The following SIPA1L3 variants were observed in gnomAD, a reference collection of about 807,000 sequenced individuals.
SIPA1L3 encodes the protein signal-induced proliferation-associated 1-like protein 3.
Under a neutral mutation model 150.1 loss-of-function variants are expected in SIPA1L3, and 59 were observed. The ratio of observed to expected loss-of-function variants is 0.39; its 90% CI spans 0.32 to 0.49. SIPA1L3 has a LOEUF of 0.49. Among genes scored for constraint, SIPA1L3 ranks in the 20% least tolerant of loss-of-function variants. SIPA1L3 has a pLI of 0.86. For synonymous variants in SIPA1L3, 1,070 were observed against 1,077.6 expected, an observed-to-expected ratio of 0.99 and a Z score of 0.14; for missense variants, 2,211 against 2,489.5, an observed-to-expected ratio of 0.89 and a Z score of 2.38.
At chr19:38,017,646 C>G (rs561803641) in intron 1 of SIPA1L3, among the ~76,000 whole-genome samples, 1 of 152,026 alleles carries the variant, frequency 6.6e-6, no homozygotes, top group Non-Finnish European at 1.5e-5. Flanking sequence ...AGCCCTCAGC[C>G]TCCTGAGTAG....
chr19:38,122,488 C>T (rs1041646876), intron 9 of SIPA1L3, among the ~76,000 whole-genome samples: 4 of 152,136 alleles, frequency 2.6e-5, no homozygotes, highest in South Asian at 2.1e-4. Context: ...TGGTCTCTCC[C>T]GGACACTTTC....
At chr19:38,108,251 G>A (rs895618294) in intron 7 of SIPA1L3, among the ~76,000 whole-genome samples, 1 of 152,180 alleles carries the variant, frequency 6.6e-6, no homozygotes, top group African/African-American at 2.4e-5. Context: ...TGAGTATGTG[G>A]GAGGGGCGCT....
chr19:38,157,539 A>T (rs968684667), intron 13 of SIPA1L3, among the ~76,000 whole-genome samples: 1 of 152,146 alleles, frequency 6.6e-6, no homozygotes, highest in Non-Finnish European at 1.5e-5. Context: ...CAGGCCTCAG[A>T]GCACCCAGGT....
At chr19:37,968,552 AAAAG>A (rs1886281935) in intron 1 of SIPA1L3, among the ~76,000 whole-genome samples, 1 of 152,158 alleles carries the variant, frequency 6.6e-6, no homozygotes, top group South Asian at 2.1e-4. Context: ...AGTCTCAGGT[AAAAG>A]AAAACCAAAC....
chr19:38,114,853 G>A (rs992657720), intron 8 of SIPA1L3, among the ~76,000 whole-genome samples: 12 of 152,198 alleles, frequency 7.9e-5, no homozygotes, highest in African/African-American at 2.2e-4. Context: ...CTGATCGGCC[G>A]GGGTCGCGCA....
chr19:38,207,594 C>A lies in SIPA1L3; in HGVS notation c.*1354C>A, dbSNP rs186147511. 1.3e-5 allele frequency: 2 copies of A among 152,064 alleles called. No homozygotes were observed. Among genetic ancestry groups the A allele is most frequent in the African/African-American group, 4.8e-5 (2 of 41,490 alleles). 9.4% of individuals were successfully genotyped at this position (152,064 alleles called of 1,614,324 possible). A position where few individuals can be genotyped will look rare whatever the true frequency, so the allele number is the denominator to read the frequency against. ...GAGGACCAGAGGGATGAAGTCAGGG[C>A]AGGCCGGTGCCCTTTTTGGGAGGCA... is the stretch of plus-strand genomic sequence containing the variant. On this transcript the variant is annotated 3_prime_UTR_variant, in exon 22 of 22. Transcript: ENST00000222345.
At chr19:38,145,450 T>C (rs1345583731) in intron 12 of SIPA1L3, among the ~76,000 whole-genome samples, 1 of 151,652 alleles carries the variant, frequency 6.6e-6, no homozygotes, top group Non-Finnish European at 1.5e-5. Flanking sequence ...AGAGAATCGT[T>C]TGAACCTGGT....
intron 1 of SIPA1L3, among the ~76,000 whole-genome samples, chr19:37,953,177 GA>G (rs2046780004): frequency 6.6e-6 from 1 of 152,202 alleles, no homozygotes. Flanking sequence ...CCTATCCATA[GA>G]GGGGGCCCAG....
chr19:38,007,510 G>A (rs1415473783), intron 1 of SIPA1L3, among the ~76,000 whole-genome samples: 1 of 151,650 alleles, frequency 6.6e-6, no homozygotes, highest in African/African-American at 2.4e-5. Context: ...AATTGCCCGG[G>A]GGAGGGGGGA....
In SIPA1L3 at chr19:38,164,134, G is replaced by T. The variant is rs1163835311; in HGVS notation, c.3781-345G>T. ...GAGTCCACGGCTCTTGGCAGGGGCA[G>T]CTGAAAGCATGGCCGGCGTCATTGA... On this transcript the variant is annotated intron_variant, in intron 14 of 21. Transcript: ENST00000222345. This position sits in a 1 kb window ranked among gnomAD's most constrained non-coding sequence, Gnocchi z 4.1. Among the ~76,000 whole-genome samples the T allele has an allele frequency of 6.6e-6, 1 of 152,210 alleles. No individual in the cohort carries two copies. Among genetic ancestry groups the T allele is most frequent in the Non-Finnish European group, 1.5e-5 (1 of 68,026 alleles).
chr19:37,977,941 A>G (rs1967112772), intron 1 of SIPA1L3, among the ~76,000 whole-genome samples: 1 of 152,238 alleles, frequency 6.6e-6, no homozygotes, highest in African/African-American at 2.4e-5. Context: ...AGGGAAGTGC[A>G]AGAGTTTTAT....
At chr19:38,009,436 C>A (rs531718102) in intron 1 of SIPA1L3, among the ~76,000 whole-genome samples, 1 of 152,258 alleles carries the variant, frequency 6.6e-6, no homozygotes, top group South Asian at 2.1e-4. Context: ...TTATCAGAGT[C>A]CAATTTGCCC....
intron 15 of SIPA1L3, among the ~76,000 whole-genome samples, chr19:38,179,923 A>G (rs780724195): frequency 3.9e-5 from 6 of 151,918 alleles, no homozygotes; most frequent in Non-Finnish European, 7.4e-5. Flanking sequence ...GCTCACTGCA[A>G]CCTCTGCCTC....
intron 1 of SIPA1L3, among the ~76,000 whole-genome samples, chr19:37,962,930 A>G (rs77828778): frequency 6.6e-5 from 10 of 151,832 alleles, no homozygotes; most frequent in Non-Finnish European, 1.3e-4. Context: ...ATCCTGGGCT[A>G]ATTCTTTGGA....
chr19:37,965,602 C>G (rs1441718420), intron 1 of SIPA1L3, among the ~76,000 whole-genome samples: 1 of 152,176 alleles, frequency 6.6e-6, no homozygotes, highest in Non-Finnish European at 1.5e-5. Context: ...GCGTGAGCCA[C>G]TGCTCTGGGC....
intron 1 of SIPA1L3, among the ~76,000 whole-genome samples, chr19:37,924,142 T>G (rs2046480698): frequency 6.6e-6 from 1 of 152,218 alleles, no homozygotes; most frequent in Admixed American, 6.5e-5. Flanking sequence ...ATTTTCTTTA[T>G]ATCTTTATTC....
At chr19:38,105,872 G>A (rs1970611778) in intron 6 of SIPA1L3, among the ~76,000 whole-genome samples, 1 of 152,134 alleles carries the variant, frequency 6.6e-6, no homozygotes, top group African/African-American at 2.4e-5. Flanking sequence ...ATTTCTCTGG[G>A]CTGTGGTCCA....
chr19:38,057,260 C>A (rs1457981789), intron 2 of SIPA1L3, among the ~76,000 whole-genome samples: 1 of 149,910 alleles, frequency 6.7e-6, no homozygotes, highest in Non-Finnish European at 1.5e-5. Context: ...TGCACTCCAG[C>A]AAGACTCCAT....
intron 17 of SIPA1L3, among the ~76,000 whole-genome samples, chr19:38,192,835 C>A (rs1972834394): frequency 1.3e-5 from 2 of 152,300 alleles, no homozygotes; most frequent in Middle Eastern, 3.4e-3. Flanking sequence ...CCAGCCTCCC[C>A]AGGGTTGGGT....
Sources: gnomAD v4.1 joint callset for allele counts (sites outside exome capture counted in the v4.1 genomes callset) on GRCh38, gnomAD v4.1.1 for gene constraint, Gnocchi (gnomAD v3.1) non-coding constraint, MANE v1.5 for transcripts, NCBI Gene and HGNC (gene_info 2026-07-23, HGNC 2026-07-21) for gene names.